ACACA: variants seen among roughly 807,000 people sequenced by gnomAD.
The protein encoded by ACACA is acetyl-CoA carboxylase 1.
Under a neutral mutation model 296.1 loss-of-function variants are expected in ACACA, and 103 were observed. The ratio of observed to expected loss-of-function variants is 0.35; its 90% CI spans 0.30 to 0.41. The LOEUF (loss-of-function observed/expected upper bound fraction) is 0.41. Ranked by LOEUF, ACACA falls within the 10% of genes least tolerant of loss-of-function variation. The pLI is 1.00. For missense variants in ACACA, 1,554 were observed against 2,989.7 expected (o/e 0.52, Z 11.20); for synonymous variants, 953 against 1,038.6 (o/e 0.92, Z 1.58).
intron 3 of ACACA, among the ~76,000 whole-genome samples, chr17:37,305,071 T>A (rs2083807849): frequency 6.6e-6 from 1 of 152,230 alleles, no homozygotes; most frequent in African/African-American, 2.4e-5. Flanking sequence ...TGTAGATAAT[T>A]TCTGTTGACT....
intron 41 of ACACA, among the ~76,000 whole-genome samples, chr17:37,175,988 C>T (rs1344329239): frequency 6.6e-6 from 1 of 152,118 alleles, no homozygotes; most frequent in Non-Finnish European, 1.5e-5. Context: ...ACTGAAACAG[C>T]CAATATTCCT....
chr17:37,091,062 A>G (rs770408879), intron 54 of ACACA, among the ~76,000 whole-genome samples: 1 of 152,188 alleles, frequency 6.6e-6, no homozygotes, highest in Non-Finnish European at 1.5e-5. Context: ...TTTCCTATCA[A>G]CATATGCCAG....
intron 45 of ACACA, among the ~76,000 whole-genome samples, chr17:37,145,677 C>T (rs187996954): frequency 1.1e-4 from 17 of 152,254 alleles, no homozygotes; most frequent in Non-Finnish European, 2.4e-4. Context: ...TTTTTGCCTT[C>T]CTGTCTACGA....
chr17:37,303,623 C>T (rs2083733312), intron 3 of ACACA, among the ~76,000 whole-genome samples: 1 of 152,074 alleles, frequency 6.6e-6, no homozygotes, highest in African/African-American at 2.4e-5. Flanking sequence ...TTTGGGAGGC[C>T]GAGGCAAGTG....
At chr17:37,279,944 CT>C in intron 5 of ACACA, among the ~76,000 whole-genome samples, 1 of 152,154 alleles carries the variant, frequency 6.6e-6, no homozygotes, top group African/African-American at 2.4e-5. Flanking sequence ...TGACTACTAA[CT>C]TATCAATGGA....
chr17:37,307,947 GA>G (rs35944181), intron 3 of ACACA, among the ~76,000 whole-genome samples: 74,236 of 147,716 alleles, frequency 0.5, 20,822 homozygotes, highest in East Asian at 0.75. Flanking sequence ...ATAACAAGTA[GA>G]AAAAAAAAAA....
chr17:37,243,219 G>A (rs2080508104), intron 22 of ACACA, 152 bp downstream of exon 22: 1 of 777,136 alleles, frequency 1.3e-6, no homozygotes, highest in Non-Finnish European at 2.1e-6. Flanking sequence ...TGTTGGGTTT[G>A]TACCCTGAGG....
chr17:37,225,153 T>C (rs776576481), intron 26 of ACACA, 48 bp from the exon 27 acceptor site: 4 of 1,097,638 alleles, frequency 3.6e-6, no homozygotes, highest in South Asian at 2.5e-5. Flanking sequence ...GAGTGATTAT[T>C]CTAGACTCCT....
chr17:37,130,415 C>T (rs186721913), intron 45 of ACACA, among the ~76,000 whole-genome samples, 197 bp from the exon 46 acceptor site: 3 of 152,138 alleles, frequency 2.0e-5, no homozygotes, highest in East Asian at 1.9e-4. Context: ...GAGATTGACG[C>T]GCTGCCAGCT....
In ACACA at chr17:37,406,608, C is replaced by A; in HGVS notation, c.-309G>T. On this transcript the variant is annotated 5_prime_UTR_variant, in exon 1 of 56. Transcript: ENST00000616317. ...CCGCCTCACCGCACTCCGGAGGGGA[C>A]CAAACAGCCCCACGCGCCAGGAAGC... 2 of 544,918 alleles carry A rather than the reference C, an allele frequency of 3.7e-6. No homozygotes were observed. Among genetic ancestry groups the A allele is most frequent in the South Asian group, 2.0e-5 (1 of 48,790 alleles). The allele number at this position is 544,918 out of a possible 1,614,324, so 33.8% of individuals were successfully genotyped here. A position where few individuals can be genotyped will look rare whatever the true frequency, so the allele number is the denominator to read the frequency against.
At chr17:37,390,288 T>A (rs1288965804) in intron 1 of ACACA, among the ~76,000 whole-genome samples, 1 of 44,934 alleles carries the variant, frequency 2.2e-5, no homozygotes, top group African/African-American at 1.1e-4. Flanking sequence ...TATATATAAT[T>A]ATATATTATA....
chr17:37,132,785 G>A (rs187418580), intron 45 of ACACA, among the ~76,000 whole-genome samples: 44 of 152,216 alleles, frequency 2.9e-4, no homozygotes, highest in African/African-American at 4.8e-4. Flanking sequence ...AAAAGGGACC[G>A]CTCAGCTGTT....
intron 14 of ACACA, among the ~76,000 whole-genome samples, chr17:37,256,715 G>C (rs2081244554): frequency 6.6e-6 from 1 of 152,148 alleles, no homozygotes; most frequent in Non-Finnish European, 1.5e-5. Flanking sequence ...CTGGGTGACA[G>C]AGCAAGACTC....
chr17:37,394,456 C>G (rs2051005164), intron 1 of ACACA, among the ~76,000 whole-genome samples: 1 of 151,766 alleles, frequency 6.6e-6, no homozygotes, highest in Non-Finnish European at 1.5e-5. Flanking sequence ...AGTGATCCAC[C>G]CGCGTCGGCC....
At chr17:37,088,805 A>T in intron 55 of ACACA, 133 bp downstream of exon 55, 1 of 1,226,812 alleles carries the variant, frequency 8.2e-7, no homozygotes, top group Non-Finnish European at 1.2e-6. Context: ...TGGGTCAACT[A>T]CAGCTGTCTC....
chr17:37,344,748 A>C (rs930266091), intron 1 of ACACA, among the ~76,000 whole-genome samples: 1 of 152,154 alleles, frequency 6.6e-6, no homozygotes, highest in Non-Finnish European at 1.5e-5. Context: ...CTTACGATCA[A>C]CACAATTTAT....
intron 1 of ACACA, among the ~76,000 whole-genome samples, chr17:37,370,007 CT>C (rs2049743761): frequency 1.7e-5 from 2 of 114,392 alleles, no homozygotes; most frequent in Non-Finnish European, 3.2e-5. Context: ...CGCCTGGCCC[CT>C]CCTTTTTTTT....
chr17:37,258,149 A>C (rs554200512), intron 13 of ACACA, 63 bp downstream of exon 13: 427 of 1,558,728 alleles, frequency 2.7e-4, no homozygotes, highest in Non-Finnish European at 3.6e-4. Flanking sequence ...GTATACTTTC[A>C]GATACTATCT....
At chr17:37,164,163 C>T (rs2076574588) in intron 41 of ACACA, among the ~76,000 whole-genome samples, 1 of 151,576 alleles carries the variant, frequency 6.6e-6, no homozygotes, top group Non-Finnish European at 1.5e-5. Flanking sequence ...GAGCCCCAGC[C>T]ACATCTGCAG....
Sources: gnomAD v4.1 joint callset for allele counts (sites outside exome capture counted in the v4.1 genomes callset) on GRCh38, gnomAD v4.1.1 for gene constraint, MANE v1.5 for transcripts, NCBI Gene and HGNC (gene_info 2026-07-23, HGNC 2026-07-21) for gene names.